The following SAFB variants were observed in gnomAD, a reference collection of about 807,000 sequenced individuals.
SAFB encodes the protein scaffold attachment factor B.
SAFB carries 15 observed loss-of-function variants against 101.6 expected under a neutral mutation model. The observed-to-expected ratio is 0.15, with a 90% CI of 0.10 to 0.23. The LOEUF is 0.23. Ranked by LOEUF, SAFB falls within the 10% of genes least tolerant of loss-of-function variation. The pLI, the probability that SAFB is intolerant of heterozygous loss-of-function variation, is 1.00. For missense variants in SAFB, 930 were observed against 1,104.1 expected (o/e 0.84, Z 2.23); for synonymous variants, 449 against 407.5 (o/e 1.10, Z -1.23).
chr19:5,650,528 C>A (rs907325791), intron 8 of SAFB, among the ~76,000 whole-genome samples: 3 of 152,204 alleles, frequency 2.0e-5, no homozygotes, highest in African/African-American at 7.2e-5. Context: ...TCTCCTGCCT[C>A]AGCCTCCTGA....
intron 4 of SAFB, among the ~76,000 whole-genome samples, chr19:5,643,761 G>C (rs1478391357): frequency 3.9e-5 from 6 of 152,050 alleles, no homozygotes. Flanking sequence ...TACTCAGGAG[G>C]CTGAGGCAGG....
At chr19:5,663,260 C>T (rs970027268) in intron 15 of SAFB, among the ~76,000 whole-genome samples, 2 of 152,188 alleles carry the variant, frequency 1.3e-5, no homozygotes, top group African/African-American at 4.8e-5. Flanking sequence ...CTTGGCCTCC[C>T]AAAGTGCTGG....
chr19:5,642,651 C>CTTTTTTT (rs767488519), intron 4 of SAFB, among the ~76,000 whole-genome samples: 1,359 of 70,846 alleles, frequency 0.019, 215 homozygotes, highest in East Asian at 0.079. Flanking sequence ...CCCTTCCTTT[C>CTTTTTTT]TTTTTTTTTT....
At chr19:5,656,927 T>C (rs1178042698) in intron 13 of SAFB, among the ~76,000 whole-genome samples, 1 of 152,046 alleles carries the variant, frequency 6.6e-6, no homozygotes, top group Admixed American at 6.6e-5. Context: ...CCCACCACTA[T>C]GCCCGGCTAA....
rs544992753 is a variant in SAFB at position 5,624,865 on chromosome 19, CAG to C, written c.189+1476_189+1477del. Among the ~76,000 whole-genome samples, 391 of 152,212 alleles carry C rather than the reference CAG, an allele frequency of 2.6e-3. 2 individuals carry two copies. The highest frequency in any genetic ancestry group is 6.8e-3 in the Middle Eastern group (2 of 294). On this transcript the variant is annotated intron_variant, in intron 1 of 20. Transcript: ENST00000588852. ...TCTACATATTTACCCAGAGAAAATG[CAG>C]AGAGTGGAGATTGGCGGCTGGTCAG...
At chr19:5,646,268 C>T (rs917343783) in intron 5 of SAFB, among the ~76,000 whole-genome samples, 2 of 152,126 alleles carry the variant, frequency 1.3e-5, no homozygotes, top group Admixed American at 1.3e-4. Flanking sequence ...TTGCTTCTGC[C>T]ATGCAAGGGC....
chr19:5,656,294 G>T (rs78950387), intron 13 of SAFB, among the ~76,000 whole-genome samples: 5,756 of 151,056 alleles, frequency 0.038, 391 homozygotes, highest in African/African-American at 0.13. Context: ...TTATTTTTTA[G>T]ACAGTCTGAC....
intron 5 of SAFB, among the ~76,000 whole-genome samples, chr19:5,646,065 T>A (rs1332953696): frequency 6.6e-6 from 1 of 152,122 alleles, no homozygotes; most frequent in Non-Finnish European, 1.5e-5. Flanking sequence ...TTTTCCAGCC[T>A]ACATAGATAC....
intron 1 of SAFB, among the ~76,000 whole-genome samples, chr19:5,624,502 G>C (rs2053301105): frequency 6.6e-6 from 1 of 151,994 alleles, no homozygotes; most frequent in Non-Finnish European, 1.5e-5. Flanking sequence ...TATTCCTGTA[G>C]CTTTTTTTCT....
In SAFB at chr19:5,664,380, T is replaced by G; in HGVS notation, c.2292-17T>G. 2.5e-6 allele frequency: 4 copies of G among 1,610,562 alleles called. No individual in the cohort carries two copies. In the South Asian group the frequency reaches 4.4e-5, roughly 18 times the overall value. On this transcript the variant is annotated splice_polypyrimidine_tract_variant and intron_variant, in intron 16 of 20. Transcript: ENST00000588852. Reference sequence around the variant, plus strand: ...CCTCTTCTTCCCCTTACGGTTTGATTTAAATTGCCTTTTCAGGAGAGAAGG... The same window carrying G: ...CCTCTTCTTCCCCTTACGGTTTGATGTAAATTGCCTTTTCAGGAGAGAAGG...
chr19:5,667,889 A>G lies in SAFB; in HGVS notation c.2624+3A>G. The G allele has an allele frequency of 8.7e-6, 14 of 1,603,334 alleles. No individual in the cohort carries two copies. Among genetic ancestry groups the G allele is most frequent in the Non-Finnish European group, 1.2e-5 (14 of 1,174,710 alleles). On this transcript the variant is annotated splice_donor_region_variant and intron_variant, in intron 20 of 20. Coordinates refer to ENST00000588852, the MANE Select transcript of SAFB (RefSeq NM_001201338.2). The surrounding 1 kb of genome is among the most constrained non-coding windows in gnomAD (Gnocchi z 4.0). ...ATGAACCGAGGAGGAATGTCAGGGT[A>G]AGGCATGCTGGGGGCGGCGCCCCTT...
chr19:5,651,415 T>A (rs2053935867), intron 9 of SAFB, among the ~76,000 whole-genome samples: 1 of 152,156 alleles, frequency 6.6e-6, no homozygotes, highest in Non-Finnish European at 1.5e-5. Flanking sequence ...ACAGCAGTGT[T>A]CTTAGAACAG....
rs1260897442 is a variant in SAFB at position 5,657,346 on chromosome 19, A to G, written c.1861A>G (p.Ser621Gly). 3.2e-6 allele frequency: 5 copies of G among 1,586,870 alleles called. No individual in the cohort carries two copies. In the African/African-American group the frequency reaches 5.4e-5, roughly 17 times the overall value. ...GAAGTCAAGAGACTCAGAGTCCCAT[A>G]GGTGAGTAGGGATCCAGGAACGGTT... is the stretch of plus-strand genomic sequence containing the variant. ...PRKSRDSESH[S>G]RVRERSEREQ... Residue 621 changes from serine to glycine, a missense_variant and splice_region_variant, in exon 14 of 21, where the codon AGC (serine) becomes GGC (glycine). Physicochemically the swap from Ser to Gly is moderately conservative, Grantham distance 56 (BLOSUM62 0). Around this residue, in one of 7 missense-constraint regions of SAFB, gnomAD observed 159 missense variants for 234.1 expected, o/e 0.68. Transcript: ENST00000588852.
rs562395247 is a variant in SAFB at position 5,638,808 on chromosome 19, A to C, written c.275-2786A>C. ...GTGTTCTCGCCTCATTGCAATTTCCACTTCCCGGGTTCAAGCGATTCTCCT... is the reference window on the plus strand; with the variant it reads ...GTGTTCTCGCCTCATTGCAATTTCCCCTTCCCGGGTTCAAGCGATTCTCCT... On this transcript the variant is annotated intron_variant, in intron 2 of 20. Transcript: ENST00000588852. Among the ~76,000 whole-genome samples, 9 of 130,548 alleles carry C rather than the reference A, an allele frequency of 6.9e-5. No homozygotes were observed. The South Asian group carries it at 2.1e-3, about 30-fold the overall frequency. The allele number at this position is 130,548 out of a possible 152,430, so 85.6% of individuals were successfully genotyped here.
At chr19:5,661,398 C>A in intron 14 of SAFB, 120 bp from the exon 15 acceptor site, 2 of 1,519,032 alleles carry the variant, frequency 1.3e-6, no homozygotes, top group Non-Finnish European at 1.8e-6. Context: ...TACGGTTCTG[C>A]AGACCACGTA....
At chr19:5,636,096 C>G (rs1465802869) in intron 2 of SAFB, among the ~76,000 whole-genome samples, 1 of 151,966 alleles carries the variant, frequency 6.6e-6, no homozygotes, top group African/African-American at 2.4e-5. Flanking sequence ...CTCGGGGGAG[C>G]TTTCCCCTGA....
At chr19:5,623,446 GC>G (rs774862100) in intron 1 of SAFB, 52 bp downstream of exon 1, 2 of 1,499,268 alleles carry the variant, frequency 1.3e-6, no homozygotes, top group East Asian at 4.9e-5. Flanking sequence ...GGTCCTCTTG[GC>G]CGCGACGGTG....
At chr19:5,632,710 A>G (rs1478719892) in intron 2 of SAFB, among the ~76,000 whole-genome samples, 1 of 152,158 alleles carries the variant, frequency 6.6e-6, no homozygotes, top group Non-Finnish European at 1.5e-5. Flanking sequence ...CTTGTCAGAA[A>G]TACACCAGAC....
chr19:5,635,402 G>C (rs1568252832), intron 2 of SAFB, among the ~76,000 whole-genome samples: 1 of 152,020 alleles, frequency 6.6e-6, no homozygotes, highest in Admixed American at 6.6e-5. Flanking sequence ...ATTTCCATAT[G>C]TATCATATAA....
Sources: gnomAD v4.1 joint callset for allele counts (sites outside exome capture counted in the v4.1 genomes callset) on GRCh38, gnomAD v4.1.1 for gene constraint, gnomAD v4.1.1 regional missense constraint, Gnocchi (gnomAD v3.1) non-coding constraint, MANE v1.5 for transcripts, NCBI Gene and HGNC (gene_info 2026-07-23, HGNC 2026-07-21) for gene names.